The following TSPAN18 variants were observed in gnomAD, a reference collection of about 807,000 sequenced individuals.
The protein encoded by TSPAN18 is tetraspanin-18.
In TSPAN18, 14 loss-of-function variants were observed where a neutral mutation model predicts 27.3. That is an observed-to-expected ratio of 0.51 (90% CI 0.34 to 0.80). The LOEUF is 0.80. Ranked by LOEUF, TSPAN18 falls within the 30% of genes least tolerant of loss-of-function variation. TSPAN18 has a pLI of 0.01. For synonymous variants in TSPAN18, 143 were observed against 136.5 expected, an observed-to-expected ratio of 1.05 and a Z score of -0.33; for missense variants, 268 against 323.9, an observed-to-expected ratio of 0.83 and a Z score of 1.32.
chr11:44,740,059 G>A (rs1854895134), intron 1 of TSPAN18, among the ~76,000 whole-genome samples: 1 of 152,234 alleles, frequency 6.6e-6, no homozygotes, highest in African/African-American at 2.4e-5. Flanking sequence ...AATCTGCAGA[G>A]ACACCTATGG....
intron 3 of TSPAN18, among the ~76,000 whole-genome samples, chr11:44,896,990 C>T (rs541952211): frequency 1.3e-5 from 2 of 152,226 alleles, no homozygotes; most frequent in South Asian, 4.2e-4. Context: ...CTTCACTGAC[C>T]CCAGGCAGGC....
At chr11:44,922,155 C>T (rs1238183567) in intron 8 of TSPAN18, among the ~76,000 whole-genome samples, 4 of 145,982 alleles carry the variant, frequency 2.7e-5, no homozygotes, top group African/African-American at 5.2e-5. Flanking sequence ...CTCGCTCTGT[C>T]GCTCAGGCTG....
In TSPAN18 at chr11:44,793,015, G is replaced by A. The variant is rs182586330; in HGVS notation, c.-153+28503G>A. ...TGTGATATGCTCCCAGGGGGAAGGG[G>A]AGGGAGCTGGGAAAATGGGAAGGGA... On this transcript the variant is annotated intron_variant, in intron 2 of 9. Transcript: ENST00000520358. 2.3e-3 allele frequency among the ~76,000 whole-genome samples: 344 copies of A among 152,302 alleles called. 2 individuals carry two copies. The highest frequency in any genetic ancestry group is 7.7e-3 in the African/African-American group (322 of 41,552).
chr11:44,866,116 G>A (rs1858029565), intron 3 of TSPAN18, among the ~76,000 whole-genome samples: 1 of 152,230 alleles, frequency 6.6e-6, no homozygotes, highest in Non-Finnish European at 1.5e-5. Context: ...ACTCCCAGCT[G>A]TGCCCTCTGC....
At chr11:44,866,062 C>T (rs578039413) in intron 3 of TSPAN18, among the ~76,000 whole-genome samples, 2 of 152,348 alleles carry the variant, frequency 1.3e-5, no homozygotes, top group East Asian at 1.9e-4. Flanking sequence ...TCTGTGACCC[C>T]GGCAGCACAA....
chr11:44,829,986 T>A (rs963707931), intron 2 of TSPAN18, among the ~76,000 whole-genome samples: 1 of 152,258 alleles, frequency 6.6e-6, no homozygotes, highest in African/African-American at 2.4e-5. Flanking sequence ...CCCACTGCAC[T>A]GAGAATAAAA....
Position 44,930,722 on chromosome 11 carries a change from C to G in TSPAN18, c.*1544C>G, listed in dbSNP as rs1278130569. 5 of 405,670 alleles carry G rather than the reference C, an allele frequency of 1.2e-5. No homozygotes were observed. The highest frequency in any genetic ancestry group is 1.0e-4 in the African/African-American group (5 of 49,002). 25.1% of individuals were successfully genotyped at this position (405,670 alleles called of 1,614,324 possible). On this transcript the variant is annotated 3_prime_UTR_variant, in exon 10 of 10. Transcript: ENST00000520358. ...CTGGGGATCTGAGGTTTGGTCTGGG[C>G]TCAGTGGGAGACGGCAGTGCAATCC... is the stretch of plus-strand genomic sequence containing the variant.
At chr11:44,837,641 C>T (rs540839569) in intron 2 of TSPAN18, among the ~76,000 whole-genome samples, 9 of 152,238 alleles carry the variant, frequency 5.9e-5, no homozygotes, top group South Asian at 4.2e-4. Context: ...CAGAGTTGAT[C>T]GGTGTGGCAA....
At chr11:44,816,169 AT>A (rs11349798) in intron 2 of TSPAN18, among the ~76,000 whole-genome samples, 139,293 of 152,244 alleles carry the variant, frequency 0.91, 64,100 homozygotes, top group East Asian at 1. Context: ...TAGACCAATG[AT>A]TAGCAGCTGC....
intron 2 of TSPAN18, among the ~76,000 whole-genome samples, chr11:44,831,752 G>A (rs1857158996): frequency 6.6e-6 from 1 of 152,204 alleles, no homozygotes; most frequent in Non-Finnish European, 1.5e-5. Context: ...GGAGTAACAA[G>A]TCAAGAGATG....
chr11:44,761,860 A>C lies in TSPAN18; in HGVS notation c.-239-2566A>C, dbSNP rs117206273. Among the ~76,000 whole-genome samples, 209 of 152,326 alleles carry C rather than the reference A, an allele frequency of 1.4e-3. 5 individuals are homozygous for C. The East Asian group carries it at 0.032, about 23-fold the overall frequency. Reference sequence around the variant, plus strand: ...TCAGGTAGGCCCGAGTTCCTCTGCGATGCTGCAGACAGTAGAGCAGGGACA... The same window carrying C: ...TCAGGTAGGCCCGAGTTCCTCTGCGCTGCTGCAGACAGTAGAGCAGGGACA... On this transcript the variant is annotated intron_variant, in intron 1 of 9. Transcript: ENST00000520358.
chr11:44,733,580 A>C (rs1489876001), intron 1 of TSPAN18, among the ~76,000 whole-genome samples: 1 of 118,580 alleles, frequency 8.4e-6, no homozygotes, highest in Non-Finnish European at 2.0e-5. Context: ...TGCATTCCTC[A>C]ATAGGGTAGA....
chr11:44,739,033 G>T (rs1217067222), intron 1 of TSPAN18, among the ~76,000 whole-genome samples: 3 of 152,136 alleles, frequency 2.0e-5, no homozygotes, highest in Admixed American at 6.5e-5. Flanking sequence ...TTTGGAGCTG[G>T]TTTGTTTCTT....
intron 2 of TSPAN18, among the ~76,000 whole-genome samples, chr11:44,848,237 GC>G (rs1421992183): frequency 6.6e-6 from 1 of 152,142 alleles, no homozygotes; most frequent in Non-Finnish European, 1.5e-5. Context: ...CCTTGCCCCT[GC>G]CCTGATCCAT....
intron 5 of TSPAN18, among the ~76,000 whole-genome samples, chr11:44,911,342 G>C (rs570811675): frequency 6.6e-6 from 1 of 152,142 alleles, no homozygotes; most frequent in Non-Finnish European, 1.5e-5. Flanking sequence ...CCCCAGACGA[G>C]AGCACACTGC....
At chr11:44,803,370 C>A (rs1258118253) in intron 2 of TSPAN18, among the ~76,000 whole-genome samples, 1 of 152,078 alleles carries the variant, frequency 6.6e-6, no homozygotes, top group Non-Finnish European at 1.5e-5. Context: ...AAGAAGGTAT[C>A]CTCCCTTCGG....
chr11:44,849,926 T>C (rs939402040), intron 2 of TSPAN18, among the ~76,000 whole-genome samples: 1 of 152,052 alleles, frequency 6.6e-6, no homozygotes, highest in African/African-American at 2.4e-5. Flanking sequence ...ATCAGTTGGG[T>C]GGGGGGCATC....
intron 2 of TSPAN18, among the ~76,000 whole-genome samples, chr11:44,859,937 C>T: frequency 6.6e-6 from 1 of 152,210 alleles, no homozygotes; most frequent in East Asian, 1.9e-4. Context: ...GAGGAAGAAA[C>T]TTCTCTCCAA....
At position 44,932,045 on chromosome 11, in the gene TSPAN18, G is replaced by C. The variant is rs1860589225; in HGVS notation, c.*2867G>C. On this transcript the variant is annotated 3_prime_UTR_variant, in exon 10 of 10. Coordinates refer to ENST00000520358, the MANE Select transcript of TSPAN18 (RefSeq NM_130783.5). Reference sequence around the variant, plus strand: ...GCTGGGGGTGAGGGCCCCTCCCCAGGGTCCCTGTTAATTTCTGGCCTTGGT... The same window carrying C: ...GCTGGGGGTGAGGGCCCCTCCCCAGCGTCCCTGTTAATTTCTGGCCTTGGT... 1 of 152,160 alleles carries C rather than the reference G, an allele frequency of 6.6e-6. No homozygotes were observed. Among genetic ancestry groups the C allele is most frequent in the Non-Finnish European group, 1.5e-5 (1 of 68,040 alleles). 9.4% of individuals were successfully genotyped at this position (152,160 alleles called of 1,614,324 possible). A position where few individuals can be genotyped will look rare whatever the true frequency, so the allele number is the denominator to read the frequency against.
Sources: allele counts gnomAD v4.1 joint callset (sites outside exome capture counted in the v4.1 genomes callset), GRCh38; gene constraint gnomAD v4.1.1; transcripts MANE v1.5; gene names NCBI Gene and HGNC (gene_info 2026-07-23, HGNC 2026-07-21).